MINDY4: variants seen among roughly 807,000 people sequenced by gnomAD.
The protein encoded by MINDY4 is probable ubiquitin carboxyl-terminal hydrolase MINDY-4.
Under a neutral mutation model 87.0 loss-of-function variants are expected in MINDY4, and 68 were observed. That is an observed-to-expected ratio of 0.78 (90% CI 0.64 to 0.96). MINDY4 has a LOEUF of 0.96. Among genes scored for constraint, MINDY4 ranks in the 40% least tolerant of loss-of-function variants. The probability of loss-of-function intolerance (pLI) is 0.00; values close to 1 mark genes in which losing one functional copy is unlikely to be tolerated. For missense variants in MINDY4, 919 were observed against 928.2 expected, an observed-to-expected ratio of 0.99 and a Z score of 0.13; for synonymous variants, 379 against 363.2, an observed-to-expected ratio of 1.04 and a Z score of -0.50.
chr7:30,849,657 C>T (rs1471402664), intron 9 of MINDY4, among the ~76,000 whole-genome samples: 1 of 152,168 alleles, frequency 6.6e-6, no homozygotes, highest in Non-Finnish European at 1.5e-5. Flanking sequence ...CCTTAGAGTT[C>T]CACAGGGTTC....
At chr7:30,792,792 C>CA (rs1179995325) in intron 5 of MINDY4, among the ~76,000 whole-genome samples, 2 of 152,058 alleles carry the variant, frequency 1.3e-5, no homozygotes, top group African/African-American at 2.4e-5. Context: ...GTAATATACT[C>CA]AAAGAAAACT....
intron 5 of MINDY4, among the ~76,000 whole-genome samples, chr7:30,801,167 G>C (rs1452372443): frequency 6.6e-6 from 1 of 152,188 alleles, no homozygotes; most frequent in Admixed American, 6.5e-5. Flanking sequence ...GCTTACAGAG[G>C]ATGTGGCATT....
chr7:30,802,355 C>T (rs1259211686), intron 5 of MINDY4, among the ~76,000 whole-genome samples: 1 of 151,954 alleles, frequency 6.6e-6, no homozygotes, highest in African/African-American at 2.4e-5. Context: ...AAATTTTGCA[C>T]CTTAGGCTTC....
intron 13 of MINDY4, among the ~76,000 whole-genome samples, chr7:30,868,846 G>A (rs1466643418): frequency 6.6e-6 from 1 of 152,196 alleles, no homozygotes; most frequent in Non-Finnish European, 1.5e-5. Flanking sequence ...CATCCCTGGA[G>A]GCTGGGTCAT....
At chr7:30,820,193 G>A (rs10156053) in intron 5 of MINDY4, among the ~76,000 whole-genome samples, 53,318 of 151,526 alleles carry the variant, frequency 0.35, 11,639 homozygotes, top group African/African-American at 0.6. Context: ...GAGCCACCGC[G>A]CCCGGCCAAT....
At position 30,852,281 on chromosome 7, in the gene MINDY4, TA is replaced by T; in HGVS notation, c.1611+3del. 6.2e-7 allele frequency: 1 copy of T among 1,614,126 alleles called. No individual in the cohort carries two copies. Among genetic ancestry groups the T allele is most frequent in the Non-Finnish European group, 8.5e-7 (1 of 1,179,994 alleles). ...AAAGCAGATGGAGTCTTAGAAACAGTACGACTTTCTGGAAAATTATCACGCA... is the reference window on the plus strand; with the variant it reads ...AAAGCAGATGGAGTCTTAGAAACAGTCGACTTTCTGGAAAATTATCACGCA... On this transcript the variant is annotated splice_donor_region_variant and intron_variant, in intron 11 of 17. Coordinates refer to ENST00000265299, the MANE Select transcript of MINDY4 (RefSeq NM_032222.3).
chr7:30,838,196 A>G (rs558609777), intron 7 of MINDY4, among the ~76,000 whole-genome samples: 3 of 152,284 alleles, frequency 2.0e-5, no homozygotes, highest in East Asian at 3.9e-4. Context: ...GGGCCTGTCC[A>G]TGGGGAAGGG....
Position 30,791,380 on chromosome 7 carries a change from G to A in MINDY4, c.879G>A (p.Leu293=). 1 of 1,614,094 alleles carries A rather than the reference G, an allele frequency of 6.2e-7. No homozygotes were observed. The highest frequency in any genetic ancestry group is 8.5e-7 in the Non-Finnish European group (1 of 1,180,010). ...QKTTASSPPH[L]PSKRLPPWDR... is the part of the protein sequence containing the mutation. ...CCACTGCCAGCAGCCCTCCCCATCT[G>A]CCCAGCAAACGGCTGCCCCCATGGG... Residue 293 remains leucine (L), a synonymous_variant, in exon 5 of 18, where the codon CTG becomes CTA. Transcript: ENST00000265299.
intron 17 of MINDY4, among the ~76,000 whole-genome samples, chr7:30,889,890 A>G (rs544491669): frequency 6.6e-6 from 1 of 152,318 alleles, no homozygotes; most frequent in South Asian, 2.1e-4. Flanking sequence ...TATTCTTGAA[A>G]TATCTTTTAA....
chr7:30,818,834 A>G (rs1257921575), intron 5 of MINDY4, among the ~76,000 whole-genome samples: 2 of 152,188 alleles, frequency 1.3e-5, no homozygotes, highest in African/African-American at 4.8e-5. Flanking sequence ...AAATGGTCCC[A>G]TCTGTCAGTT....
rs140466553 is a variant in MINDY4 at position 30,888,549 on chromosome 7, TC to T, written c.2226-3404del. On this transcript the variant is annotated intron_variant, in intron 17 of 17. Transcript: ENST00000265299. ...CTCAGAGGTGTTTCCATTTCATCCC[TC>T]CCCTTTCTGTGCCTGTCCGCAGTTG... 4.6e-5 allele frequency among the ~76,000 whole-genome samples: 7 copies of T among 152,270 alleles called. No individual in the cohort carries two copies. The East Asian group carries it at 1.4e-3, about 29-fold the overall frequency.
intron 1 of MINDY4, among the ~76,000 whole-genome samples, chr7:30,776,493 A>G (rs1238258225): frequency 6.6e-6 from 1 of 152,058 alleles, no homozygotes; most frequent in African/African-American, 2.4e-5. Flanking sequence ...CCTACTTTGT[A>G]TGTTTTTTCC....
At chr7:30,820,051 G>A (rs1301295753) in intron 5 of MINDY4, among the ~76,000 whole-genome samples, 2 of 150,316 alleles carry the variant, frequency 1.3e-5, no homozygotes, top group African/African-American at 4.9e-5. Context: ...ACAGGCGCCC[G>A]CCACTACGCC....
chr7:30,782,317 C>A, intron 3 of MINDY4, 105 bp downstream of exon 3: 1 of 813,450 alleles, frequency 1.2e-6, no homozygotes, highest in Non-Finnish European at 1.9e-6. Flanking sequence ...GGAACAGAAT[C>A]AATATAGTCT....
chr7:30,871,758 T>G (rs1310249156), intron 13 of MINDY4, among the ~76,000 whole-genome samples: 1 of 152,218 alleles, frequency 6.6e-6, no homozygotes, highest in Non-Finnish European at 1.5e-5. Flanking sequence ...GTACAGTGCC[T>G]GGTGCAGGAG....
intron 13 of MINDY4, among the ~76,000 whole-genome samples, chr7:30,863,791 T>C (rs1031569467): frequency 1.3e-5 from 2 of 152,250 alleles, no homozygotes; most frequent in Non-Finnish European, 2.9e-5. Flanking sequence ...AGGTTTTTTT[T>C]CCACTTGATT....
At chr7:30,830,243 A>G (rs1788658269) in intron 6 of MINDY4, among the ~76,000 whole-genome samples, 1 of 152,228 alleles carries the variant, frequency 6.6e-6, no homozygotes, top group Non-Finnish European at 1.5e-5. Flanking sequence ...ACCAAGGTGA[A>G]TAAAAGGTGG....
chr7:30,872,335 T>C, intron 14 of MINDY4, 29 bp downstream of exon 14: 1 of 1,600,616 alleles, frequency 6.2e-7, no homozygotes, highest in Non-Finnish European at 8.6e-7. Flanking sequence ...GCCCAGGTGG[T>C]CCTTCCCCCT....
intron 5 of MINDY4, 27 bp from the exon 6 acceptor site, chr7:30,828,652 G>GCC: frequency 6.2e-7 from 1 of 1,610,652 alleles, no homozygotes; most frequent in Non-Finnish European, 8.5e-7. Flanking sequence ...AGTCTCCTCT[G>GCC]GTACATTGAT....
Sources: gnomAD v4.1 joint callset for allele counts (sites outside exome capture counted in the v4.1 genomes callset) on GRCh38, gnomAD v4.1.1 for gene constraint, MANE v1.5 for transcripts, NCBI Gene and HGNC (gene_info 2026-07-23, HGNC 2026-07-21) for gene names.